Variants in SLC35F4 observed in about 807,000 individuals in gnomAD.
The protein encoded by SLC35F4 is chromosome 14 open reading frame 36.
SLC35F4 carries 24 observed loss-of-function variants against 44.2 expected under a neutral mutation model. The ratio of observed to expected loss-of-function variants is 0.54; its 90% CI spans 0.39 to 0.76. The LOEUF is 0.76. Ranked by LOEUF, SLC35F4 falls within the 30% of genes least tolerant of loss-of-function variation. SLC35F4 has a pLI of 0.00. For synonymous variants in SLC35F4, 238 were observed against 223.6 expected (o/e 1.06, Z -0.57); for missense variants, 562 against 586.1 (o/e 0.96, Z 0.42).
intron 1 of SLC35F4, among the ~76,000 whole-genome samples, chr14:57,907,715 C>CA (rs34707347): frequency 0.099 from 15,001 of 152,204 alleles, 1,099 homozygotes; most frequent in East Asian, 0.4. Context: ...CACATATTTG[C>CA]AGAACCTGTA....
chr14:57,723,878 T>C (rs1566796701), intron 1 of SLC35F4, among the ~76,000 whole-genome samples: 1 of 152,326 alleles, frequency 6.6e-6, no homozygotes, highest in South Asian at 2.1e-4. Context: ...ACTGACCTTA[T>C]TGGTGAGACA....
chr14:57,641,592 G>A lies in SLC35F4; in HGVS notation c.104-47468C>T, dbSNP rs78161190. Among the ~76,000 whole-genome samples, 764 of 151,936 alleles carry A rather than the reference G, an allele frequency of 5.0e-3. 8 individuals carry two copies. The highest frequency in any genetic ancestry group is 0.017 in the Middle Eastern group (5 of 294). On this transcript the variant is annotated intron_variant, in intron 1 of 7. Coordinates refer to ENST00000556826, the MANE Select transcript of SLC35F4 (RefSeq NM_001306087.2). ...CCAAAACCACAAAATGGATAAACTG[G>A]GAAGTGATTCTACTAGAAAATGATT...
chr14:57,965,698 T>C (rs1472588958), intron 1 of SLC35F4, among the ~76,000 whole-genome samples: 1 of 152,204 alleles, frequency 6.6e-6, no homozygotes, highest in Non-Finnish European at 1.5e-5. Flanking sequence ...CAGGTCATCT[T>C]ATTAGTACCT....
At chr14:57,873,655 G>A (rs1247966683) in intron 1 of SLC35F4, among the ~76,000 whole-genome samples, 1 of 152,102 alleles carries the variant, frequency 6.6e-6, no homozygotes, top group Non-Finnish European at 1.5e-5. Flanking sequence ...TCAAAAAATG[G>A]TGATAAGAGG....
chr14:57,703,510 A>G (rs926361957), intron 1 of SLC35F4, among the ~76,000 whole-genome samples: 3 of 152,170 alleles, frequency 2.0e-5, no homozygotes, highest in Admixed American at 2.0e-4. Context: ...GGCTAATGGT[A>G]GTGGCAACTG....
intron 3 of SLC35F4, among the ~76,000 whole-genome samples, chr14:57,585,801 A>C (rs1183021613): frequency 6.6e-6 from 1 of 152,214 alleles, no homozygotes; most frequent in Non-Finnish European, 1.5e-5. Context: ...CTCATCAACA[A>C]ACCACTGCTC....
At chr14:57,955,535 A>G (rs753045015) in intron 1 of SLC35F4, among the ~76,000 whole-genome samples, 2 of 152,232 alleles carry the variant, frequency 1.3e-5, no homozygotes, top group Non-Finnish European at 2.9e-5. Context: ...GTATATTTAG[A>G]AAACCCCATC....
At chr14:57,761,524 A>G (rs1297069810) in intron 1 of SLC35F4, among the ~76,000 whole-genome samples, 1 of 152,166 alleles carries the variant, frequency 6.6e-6, no homozygotes, top group East Asian at 1.9e-4. Flanking sequence ...TTATTACAAT[A>G]ATTTCTGATA....
At chr14:57,776,170 T>A (rs533707925) in intron 1 of SLC35F4, among the ~76,000 whole-genome samples, 2 of 152,272 alleles carry the variant, frequency 1.3e-5, no homozygotes, top group South Asian at 4.1e-4. Flanking sequence ...AATCTATGAC[T>A]CACTGGTGTT....
chr14:57,800,861 G>A (rs2078175285), intron 1 of SLC35F4, among the ~76,000 whole-genome samples: 1 of 152,048 alleles, frequency 6.6e-6, no homozygotes, highest in Admixed American at 6.5e-5. Flanking sequence ...GAGAAATATG[G>A]GATTATGTAA....
downstream of SLC35F4, among the ~76,000 whole-genome samples, chr14:57,972,502 G>GA (rs1293530054): frequency 2.0e-5 from 3 of 150,332 alleles, no homozygotes; most frequent in Non-Finnish European, 4.4e-5. Context: ...CTTTGGTAGG[G>GA]AAAAAAAGGA....
chr14:57,751,509 A>G lies in SLC35F4; in HGVS notation c.103+114214T>C, dbSNP rs1400566458. 2.6e-5 allele frequency among the ~76,000 whole-genome samples: 4 copies of G among 152,344 alleles called. No homozygotes were observed. The East Asian group carries it at 7.7e-4, about 29-fold the overall frequency. ...TTAAGTCATTCATTGTACTGTATACATGGAGATTTACTTGAGCTGAATATC... is the reference window on the plus strand; with the variant it reads ...TTAAGTCATTCATTGTACTGTATACGTGGAGATTTACTTGAGCTGAATATC... On this transcript the variant is annotated intron_variant, in intron 1 of 7. Coordinates refer to ENST00000556826, the MANE Select transcript of SLC35F4 (RefSeq NM_001306087.2).
At chr14:57,934,504 C>T (rs1023887287) in intron 1 of SLC35F4, among the ~76,000 whole-genome samples, 8 of 151,912 alleles carry the variant, frequency 5.3e-5, no homozygotes, top group Non-Finnish European at 1.0e-4. Flanking sequence ...ATTGTCTCTG[C>T]ATAGAGGGAT....
chr14:57,670,035 A>C (rs1018712747), intron 1 of SLC35F4, among the ~76,000 whole-genome samples: 8 of 152,162 alleles, frequency 5.3e-5, no homozygotes, highest in African/African-American at 9.6e-5. Context: ...TCAGAGATTC[A>C]ACTTCTTCCT....
At position 57,964,982 on chromosome 14, in the gene SLC35F4, A is replaced by AT. The variant is rs1890408987; in HGVS notation, n.282+16930_282+16931insA. Among the ~76,000 whole-genome samples the AT allele has an allele frequency of 7.1e-5, 9 of 126,224 alleles. 1 individual carries two copies. The highest frequency in any genetic ancestry group is 3.0e-4 in the African/African-American group (8 of 26,448). The allele number at this position is 126,224 out of a possible 152,430, so 82.8% of individuals were successfully genotyped here. On this transcript the variant is annotated intron_variant and non_coding_transcript_variant, in intron 1 of 1. Coordinates refer to the SLC35F4 transcript ENST00000556568. ...TTAATGCTCCCATGGGGGAAAAAAA[A>AT]AAAAAAAAAATATATATATATATAT...
intron 1 of SLC35F4, among the ~76,000 whole-genome samples, chr14:57,662,504 T>C (rs1265297316): frequency 3.9e-5 from 6 of 152,214 alleles, no homozygotes; most frequent in Non-Finnish European, 5.9e-5. Context: ...CAGGTTGTTA[T>C]AAGCCTAGCC....
At chr14:57,854,703 A>G (rs964055996) in intron 1 of SLC35F4, among the ~76,000 whole-genome samples, 1 of 152,120 alleles carries the variant, frequency 6.6e-6, no homozygotes, top group Non-Finnish European at 1.5e-5. Context: ...CCATTCTGCC[A>G]CTCACTGGCT....
At chr14:57,748,304 T>C (rs1436623574) in intron 1 of SLC35F4, among the ~76,000 whole-genome samples, 1 of 152,156 alleles carries the variant, frequency 6.6e-6, no homozygotes, top group African/African-American at 2.4e-5. Flanking sequence ...TGTGTATGTA[T>C]GTGTGTATTT....
At chr14:57,574,255 T>G (rs913594974) in intron 4 of SLC35F4, among the ~76,000 whole-genome samples, 1 of 152,240 alleles carries the variant, frequency 6.6e-6, no homozygotes, top group Non-Finnish European at 1.5e-5. Context: ...AAAGATTACA[T>G]AACTCTGTAG....
Sources: allele counts gnomAD v4.1 joint callset (sites outside exome capture counted in the v4.1 genomes callset), GRCh38; gene constraint gnomAD v4.1.1; transcripts MANE v1.5; gene names NCBI Gene and HGNC (gene_info 2026-07-23, HGNC 2026-07-21).